The following DRC1 variants were observed in gnomAD, a reference collection of about 807,000 sequenced individuals.
The protein encoded by DRC1 is dynein regulatory complex subunit 1, also known as dynein regulatory complex protein 1.
Under a neutral mutation model 98.7 loss-of-function variants are expected in DRC1, and 74 were observed. The ratio of observed to expected loss-of-function variants is 0.75; its 90% CI spans 0.62 to 0.91. The LOEUF is 0.91. Among genes scored for constraint, DRC1 ranks in the 40% least tolerant of loss-of-function variants. DRC1 has a pLI of 0.00. For missense variants in DRC1, 875 were observed against 886.0 expected (o/e 0.99, Z 0.16); for synonymous variants, 336 against 334.1 (o/e 1.01, Z -0.06).
chr2:26,403,195 C>T (rs1017384933), intron 1 of DRC1, among the ~76,000 whole-genome samples: 7 of 152,138 alleles, frequency 4.6e-5, no homozygotes, highest in Admixed American at 1.3e-4. Flanking sequence ...GCATATACTC[C>T]CTGCCCCCAC....
Position 26,429,550 on chromosome 2 carries a change from G to A in DRC1, c.541-78G>A, listed in dbSNP as rs570109571. ...TCCTAACATTGACAGATTCTGGTGA[G>A]AGGAGTCTAGAGAGAGTGTTTGGCA... On this transcript the variant is annotated intron_variant, in intron 4 of 16. Coordinates refer to ENST00000288710, the MANE Select transcript of DRC1 (RefSeq NM_145038.5). The A allele has an allele frequency of 9.2e-5, 143 of 1,546,676 alleles. 1 individual carries two copies. In the South Asian group the frequency reaches 1.6e-3, roughly 17 times the overall value.
At chr2:26,427,545 C>T (rs1237291892) in intron 4 of DRC1, among the ~76,000 whole-genome samples, 1 of 152,130 alleles carries the variant, frequency 6.6e-6, no homozygotes, top group Non-Finnish European at 1.5e-5. Context: ...TCCATCACTT[C>T]AAGCATGTAT....
At position 26,423,163 on chromosome 2, in the gene DRC1, G is replaced by T. The variant is rs78135650; in HGVS notation, c.357-1108G>T. On this transcript the variant is annotated intron_variant, in intron 3 of 16. Transcript: ENST00000288710. ...GGTCAGCTTGTGAAAGGCAGGGAAG[G>T]TCATGCAAGGAGTTAGGCCTTGTCC... 2.8e-3 allele frequency among the ~76,000 whole-genome samples: 426 copies of T among 152,278 alleles called. 2 individuals carry two copies. Among genetic ancestry groups the T allele is most frequent in the African/African-American group, 9.9e-3 (412 of 41,566 alleles).
intron 1 of DRC1, among the ~76,000 whole-genome samples, chr2:26,405,653 C>A (rs999821315): frequency 6.7e-4 from 36 of 53,582 alleles, no homozygotes; most frequent in African/African-American, 2.3e-3. Flanking sequence ...AAGGCTATAT[C>A]TTTTTTTTTT....
rs149007147 is a variant in DRC1, at chr2:26,448,693, G to T, written c.1399G>T (p.Glu467Ter). 12 of 1,614,114 alleles carry T rather than the reference G, an allele frequency of 7.4e-6. No individual in the cohort carries two copies. Among genetic ancestry groups the T allele is most frequent in the Non-Finnish European group, 9.3e-6 (11 of 1,179,930 alleles). Residue 467 changes from glutamate (E) to a stop codon, truncating the protein, a stop_gained and splice_region_variant, in exon 11 of 17, where the codon GAG (glutamate) becomes TAG (stop). Transcript: ENST00000288710. LOFTEE classifies it high-confidence loss of function. ...IVEEMLMRSE[E>*]EEAEEAAAEP... Reference sequence around the variant, plus strand: ...TCCTCCCCATGACCCAACTGCAGAAGAGGAGGAGGCAGAAGAGGCCGCCGC... The same window carrying T: ...TCCTCCCCATGACCCAACTGCAGAATAGGAGGAGGCAGAAGAGGCCGCCGC...
chr2:26,444,445 G>T, intron 9 of DRC1, 89 bp downstream of exon 9: 1 of 1,521,380 alleles, frequency 6.6e-7, no homozygotes, highest in Non-Finnish European at 8.8e-7. Context: ...CGTTGGACTT[G>T]ATGTCACCAG....
chr2:26,439,507 C>G (rs944510267), intron 7 of DRC1, among the ~76,000 whole-genome samples: 5 of 152,156 alleles, frequency 3.3e-5, no homozygotes, highest in African/African-American at 1.2e-4. Flanking sequence ...TGAATGAATA[C>G]AGCTAATGGA....
At position 26,456,585 on chromosome 2, in the gene DRC1, T is replaced by C. The variant is rs1444904525; in HGVS notation, c.*68T>C. The C allele has an allele frequency of 1.3e-6, 2 of 1,589,182 alleles. No homozygotes were observed. Among genetic ancestry groups the C allele is most frequent in the African/African-American group, 1.3e-5 (1 of 74,470 alleles). On this transcript the variant is annotated 3_prime_UTR_variant, in exon 17 of 17. Transcript: ENST00000288710. ...TGGTGTCTGTGCCGGAGCCAGCTCA[T>C]ATCACCCACTGGGCCGCACCTGGGC...
chr2:26,408,085 G>C (rs1678481513), intron 1 of DRC1, among the ~76,000 whole-genome samples: 1 of 152,082 alleles, frequency 6.6e-6, no homozygotes, highest in Non-Finnish European at 1.5e-5. Flanking sequence ...GTGTCCTTTA[G>C]AAATAAAGTT....
intron 4 of DRC1, among the ~76,000 whole-genome samples, 176 bp downstream of exon 4, chr2:26,424,630 A>G (rs1663237556): frequency 6.6e-6 from 1 of 152,206 alleles, no homozygotes; most frequent in South Asian, 2.1e-4. Context: ...ACATAGCATT[A>G]AATTTGCCAT....
At chr2:26,432,510 G>C (rs1195754113) in intron 7 of DRC1, among the ~76,000 whole-genome samples, 1 of 149,388 alleles carries the variant, frequency 6.7e-6, no homozygotes, top group Non-Finnish European at 1.5e-5. Context: ...AAGAGAGAAA[G>C]GGAGAGAGAA....
chr2:26,410,639 G>A (rs575300612), intron 1 of DRC1, among the ~76,000 whole-genome samples: 17 of 152,070 alleles, frequency 1.1e-4, no homozygotes, highest in Non-Finnish European at 2.2e-4. Flanking sequence ...AATGGAGCAG[G>A]GAGCATATTA....
chr2:26,418,827 A>C (rs1678943734), intron 2 of DRC1, among the ~76,000 whole-genome samples: 1 of 135,456 alleles, frequency 7.4e-6, no homozygotes, highest in Non-Finnish European at 1.5e-5. Context: ...AGTATATATA[A>C]TATATAGTAT....
intron 4 of DRC1, among the ~76,000 whole-genome samples, chr2:26,425,660 G>T (rs868441486): frequency 6.6e-6 from 1 of 152,060 alleles, no homozygotes; most frequent in South Asian, 2.1e-4. Context: ...TTGCATTTCC[G>T]TAACGATTAG....
At chr2:26,427,095 T>C (rs1319637715) in intron 4 of DRC1, among the ~76,000 whole-genome samples, 2 of 152,166 alleles carry the variant, frequency 1.3e-5, no homozygotes, top group Non-Finnish European at 2.9e-5. Context: ...ATGCAACTGA[T>C]TTAAAATTTT....
chr2:26,416,419 C>T (rs1049569665), intron 2 of DRC1, among the ~76,000 whole-genome samples: 1 of 152,106 alleles, frequency 6.6e-6, no homozygotes, highest in Non-Finnish European at 1.5e-5. Flanking sequence ...GGATTACAAG[C>T]GTGAGCCACC....
chr2:26,418,636 AATTT>A (rs1678918440), intron 2 of DRC1, among the ~76,000 whole-genome samples: 1 of 90,752 alleles, frequency 1.1e-5, no homozygotes, highest in Non-Finnish European at 2.0e-5. Flanking sequence ...AATTATATAT[AATTT>A]ATATAATATA....
At chr2:26,418,688 T>TATATATAAATTAAATATAATTTATATA (rs1558438318) in intron 2 of DRC1, among the ~76,000 whole-genome samples, 2 of 84,904 alleles carry the variant, frequency 2.4e-5, no homozygotes, top group Non-Finnish European at 4.2e-5. Context: ...TAATTTATAT[T>TATATATAAATTAAATATAATTTATATA]ATATATAAAT....
At chr2:26,407,944 C>T (rs569756122) in intron 1 of DRC1, among the ~76,000 whole-genome samples, 1 of 152,338 alleles carries the variant, frequency 6.6e-6, no homozygotes, top group East Asian at 1.9e-4. Flanking sequence ...TAAATATTCA[C>T]AACCTTCTCC....
Sources: gnomAD v4.1 joint callset for allele counts (sites outside exome capture counted in the v4.1 genomes callset) on GRCh38, gnomAD v4.1.1 for gene constraint, MANE v1.5 for transcripts, NCBI Gene and HGNC (gene_info 2026-07-23, HGNC 2026-07-21) for gene names.